The following BMP2K variants were observed in gnomAD, a reference collection of about 807,000 sequenced individuals.
The protein encoded by BMP2K is BMP2 inducible kinase, also known as BMP-2-inducible protein kinase.
In BMP2K, 74 loss-of-function variants were observed where a neutral mutation model predicts 116.0. That is an observed-to-expected ratio of 0.64 (90% confidence interval 0.53 to 0.77). The LOEUF (loss-of-function observed/expected upper bound fraction) is 0.77, where lower values mean the gene tolerates loss of function less well. BMP2K is among the 30% of genes least tolerant of loss of function. BMP2K has a pLI of 0.00. For synonymous variants in BMP2K, 486 were observed against 502.5 expected, an observed-to-expected ratio of 0.97 and a Z score of 0.44; for missense variants, 1,365 against 1,403.6, an observed-to-expected ratio of 0.97 and a Z score of 0.44.
At position 78,833,577 on chromosome 4, in the gene BMP2K, TCC is replaced by T; in HGVS notation, c.298-4_298-3del. The T allele has an allele frequency of 1.9e-6, 3 of 1,561,290 alleles. No homozygotes were observed. Among genetic ancestry groups the T allele is most frequent in the South Asian group, 1.2e-5 (1 of 83,350 alleles). On this transcript the variant is annotated splice_region_variant and splice_polypyrimidine_tract_variant and intron_variant, in intron 2 of 15. Transcript: ENST00000502613. ...TCCAGTTTTCATTTTTTTTTTTCTT[TCC>T]AGAAAGAGCTATCTGGTCACAAAAA...
At chr4:78,873,658 CTGTGTGTG>C (rs377226626) in intron 13 of BMP2K, among the ~76,000 whole-genome samples, 2,132 of 139,506 alleles carry the variant, frequency 0.015, 31 homozygotes, top group African/African-American at 0.034. Flanking sequence ...CTCCCAACCT[CTGTGTGTG>C]TGTGTGTGTG....
chr4:78,828,291 T>C (rs764628840), intron 2 of BMP2K, among the ~76,000 whole-genome samples: 4 of 152,274 alleles, frequency 2.6e-5, no homozygotes, highest in South Asian at 4.2e-4. Flanking sequence ...TTTAAAGATA[T>C]TGCAAAGGGT....
chr4:78,878,736 C>T lies in BMP2K; in HGVS notation c.1796C>T (p.Ser599Leu), dbSNP rs1732755505. 6.2e-7 allele frequency: 1 copy of T among 1,603,350 alleles called. No homozygotes were observed. The highest frequency in any genetic ancestry group is 2.2e-5 in the East Asian group (1 of 44,510). The change falls in exon 14 of 16, where the codon TCA (serine) becomes TTA (leucine). Residue 599 changes from serine to leucine, a missense_variant and splice_region_variant. Ser to Leu is a moderately radical substitution (Grantham distance 145). This residue lies in a region of BMP2K where 762 missense variants were observed against 756.7 expected (regional missense o/e 1.01). Transcript: ENST00000502613. Reference protein sequence around the residue: ...IMDSSYSANRSVADKEAIANF... With the variant: ...IMDSSYSANRLVADKEAIANF... ...TTCTTACTCAATTATTACTATAGGTCAGTTGCTGATAAAGAGGCCATTGCA... is the reference window on the plus strand; with the variant it reads ...TTCTTACTCAATTATTACTATAGGTTAGTTGCTGATAAAGAGGCCATTGCA...
chr4:78,848,597 C>T (rs974195218), intron 6 of BMP2K, among the ~76,000 whole-genome samples: 1 of 151,402 alleles, frequency 6.6e-6, no homozygotes, highest in Non-Finnish European at 1.5e-5. Flanking sequence ...AAAAATTATT[C>T]TCTAAGCACA....
chr4:78,847,140 T>C, intron 5 of BMP2K, 48 bp from the exon 6 acceptor site: 1 of 959,126 alleles, frequency 1.0e-6, no homozygotes, highest in East Asian at 3.4e-5. Context: ...TGTCTTTTTT[T>C]TATATATATA....
chr4:78,797,599 T>G (rs372763880), intron 1 of BMP2K, among the ~76,000 whole-genome samples: 1 of 152,200 alleles, frequency 6.6e-6, no homozygotes, highest in East Asian at 1.9e-4. Context: ...GATTGGCATA[T>G]TGAAAGTATT....
Position 78,911,877 on chromosome 4 carries a change from G to A in BMP2K, c.3330G>A (p.Gly1110=). ...PGRPRQNSLH[G]SFHSADVLKM... Reference sequence around the variant, plus strand: ...GGCCAAGACAAAATTCACTACATGGGTCATTCCATAGTGCAGATGTATTGA... The same window carrying A: ...GGCCAAGACAAAATTCACTACATGGATCATTCCATAGTGCAGATGTATTGA... Residue 1110 remains glycine, a synonymous_variant, in exon 16 of 16, where the codon GGG becomes GGA. Transcript: ENST00000502613. 1.9e-6 allele frequency: 3 copies of A among 1,613,950 alleles called. No homozygotes were observed. The highest frequency in any genetic ancestry group is 2.5e-6 in the Non-Finnish European group (3 of 1,179,878).
chr4:78,803,360 A>G (rs1045727912), intron 1 of BMP2K, among the ~76,000 whole-genome samples: 2 of 152,054 alleles, frequency 1.3e-5, no homozygotes, highest in Non-Finnish European at 2.9e-5. Context: ...AATTGCTATT[A>G]AAAATAGTAG....
chr4:78,835,246 T>C (rs894925151), intron 3 of BMP2K, among the ~76,000 whole-genome samples: 2 of 152,176 alleles, frequency 1.3e-5, no homozygotes, highest in African/African-American at 4.8e-5. Context: ...TTTTTAGAAA[T>C]AGTTATCCGG....
chr4:78,912,330 C>T lies in BMP2K; in HGVS notation c.*297C>T, dbSNP rs1480173781. ...TCCAGTGAAAGCACATGGCACCTTT[C>T]TAGGTGTGTAGCCACTGAGAAGGGA... On this transcript the variant is annotated 3_prime_UTR_variant, in exon 16 of 16. Transcript: ENST00000502613. 1 of 304,720 alleles carries T rather than the reference C, an allele frequency of 3.3e-6. No homozygotes were observed. The highest frequency in any genetic ancestry group is 6.1e-6 in the Non-Finnish European group (1 of 165,206). 18.9% of individuals were successfully genotyped at this position (304,720 alleles called of 1,614,324 possible).
intron 9 of BMP2K, 82 bp downstream of exon 9, chr4:78,861,550 T>A (rs1243755140): frequency 1.8e-6 from 2 of 1,097,884 alleles, no homozygotes; most frequent in Admixed American, 4.4e-5. Flanking sequence ...TGTAATTGAT[T>A]AAATATCATC....
chr4:78,873,146 C>T (rs1442078955), intron 13 of BMP2K, among the ~76,000 whole-genome samples: 3 of 152,150 alleles, frequency 2.0e-5, no homozygotes, highest in African/African-American at 7.2e-5. Context: ...TAGACTTTCT[C>T]TATTTACATG....
chr4:78,829,753 ATCTTTTCTTT>A (rs775196460), intron 2 of BMP2K, among the ~76,000 whole-genome samples: 1,244 of 121,880 alleles, frequency 0.01, 18 homozygotes, highest in East Asian at 0.028. Flanking sequence ...CATGGAAACA[ATCTTTTCTTT>A]TCTTTTCTTT....
intron 14 of BMP2K, 48 bp downstream of exon 14, chr4:78,878,939 TC>T: frequency 2.5e-6 from 4 of 1,575,002 alleles, no homozygotes; most frequent in Non-Finnish European, 3.4e-6. Context: ...AAATAACAGC[TC>T]TATTATTATT....
At chr4:78,872,036 A>G in intron 12 of BMP2K, 88 bp downstream of exon 12, 1 of 974,212 alleles carries the variant, frequency 1.0e-6, no homozygotes, top group Non-Finnish European at 1.5e-6. Context: ...AGAATTTAGT[A>G]ATTCAAAATC....
chr4:78,885,556 C>T (rs1465367793), intron 14 of BMP2K, among the ~76,000 whole-genome samples: 1 of 152,166 alleles, frequency 6.6e-6, no homozygotes, highest in Non-Finnish European at 1.5e-5. Flanking sequence ...AATTAAAAGT[C>T]ATTTTTAGGG....
At chr4:78,903,289 T>G (rs925604190) in intron 15 of BMP2K, among the ~76,000 whole-genome samples, 1 of 152,042 alleles carries the variant, frequency 6.6e-6, no homozygotes, top group Non-Finnish European at 1.5e-5. Flanking sequence ...ATTACCTTGG[T>G]CACTCATTTT....
At position 78,898,230 on chromosome 4, in the gene BMP2K, G is replaced by A. The variant is rs75395735; in HGVS notation, c.2062+10946G>A. On this transcript the variant is annotated intron_variant, in intron 15 of 15. Transcript: ENST00000502613. ...CCAAAGACCCTAGACCCACCCTGTG[G>A]GCTTTATTATCTAATAGGAAGTTAA... is the stretch of plus-strand genomic sequence containing the variant. Among the ~76,000 whole-genome samples, 1,173 of 152,132 alleles carry A rather than the reference G, an allele frequency of 7.7e-3. 16 individuals carry two copies. Among genetic ancestry groups the A allele is most frequent in the African/African-American group, 0.027 (1,129 of 41,500 alleles).
At chr4:78,862,516 A>G (rs1023669014) in intron 9 of BMP2K, among the ~76,000 whole-genome samples, 1 of 152,094 alleles carries the variant, frequency 6.6e-6, no homozygotes, top group Non-Finnish European at 1.5e-5. Context: ...GGACTAGGAC[A>G]AAAGGGGACA....
Sources: gnomAD v4.1 joint callset for allele counts (sites outside exome capture counted in the v4.1 genomes callset) on GRCh38, gnomAD v4.1.1 for gene constraint, gnomAD v4.1.1 regional missense constraint, MANE v1.5 for transcripts, NCBI Gene and HGNC (gene_info 2026-07-23, HGNC 2026-07-21) for gene names.